PTPRD: variants seen among roughly 807,000 people sequenced by gnomAD.
PTPRD encodes the protein receptor-type tyrosine-protein phosphatase delta.
A neutral mutation model predicts 214.5 loss-of-function variants in PTPRD; 34 were observed. The ratio of observed to expected loss-of-function variants is 0.16; its 90% CI spans 0.12 to 0.21. PTPRD has a LOEUF of 0.21. Among genes scored for constraint, PTPRD ranks in the 10% least tolerant of loss-of-function variants. The probability of loss-of-function intolerance (pLI) is 1.00; values close to 1 mark genes in which losing one functional copy is unlikely to be tolerated. For synonymous variants in PTPRD, 1,128 were observed against 845.7 expected, an observed-to-expected ratio of 1.33 and a Z score of -5.79; for missense variants, 2,545 against 2,398.7, an observed-to-expected ratio of 1.06 and a Z score of -1.27.
chr9:10,432,373 A>G (rs1588080203), intron 2 of PTPRD, among the ~76,000 whole-genome samples: 1 of 151,578 alleles, frequency 6.6e-6, no homozygotes. Flanking sequence ...CCAGCATGGC[A>G]CATGTATACA....
At chr9:9,780,741 G>A (rs2098836697) in intron 5 of PTPRD, among the ~76,000 whole-genome samples, 1 of 152,172 alleles carries the variant, frequency 6.6e-6, no homozygotes, top group Non-Finnish European at 1.5e-5. Context: ...TTAATATTTA[G>A]AGCAGCCTTA....
intron 9 of PTPRD, among the ~76,000 whole-genome samples, chr9:9,379,104 C>T (rs890143225): frequency 1.3e-5 from 2 of 150,836 alleles, no homozygotes; most frequent in Non-Finnish European, 3.0e-5. Context: ...GAATTACTCC[C>T]GTTTTATTTT....
At chr9:9,264,724 C>G (rs61601362) in intron 9 of PTPRD, among the ~76,000 whole-genome samples, 15,233 of 151,350 alleles carry the variant, frequency 0.1, 797 homozygotes, top group Middle Eastern at 0.18. Context: ...TAAGATTTCA[C>G]CAAGACACAT....
At chr9:10,215,798 G>A (rs1436010930) in intron 3 of PTPRD, among the ~76,000 whole-genome samples, 1 of 151,976 alleles carries the variant, frequency 6.6e-6, no homozygotes, top group Middle Eastern at 3.4e-3. Context: ...TTAATACAAT[G>A]TATATCAACA....
intron 12 of PTPRD, among the ~76,000 whole-genome samples, chr9:8,660,802 A>G (rs2097027601): frequency 6.6e-6 from 1 of 152,138 alleles, no homozygotes. Context: ...CTTACTCTTT[A>G]CCTTTTTAAA....
At chr9:9,108,149 C>G (rs2099801260) in intron 10 of PTPRD, among the ~76,000 whole-genome samples, 1 of 152,102 alleles carries the variant, frequency 6.6e-6, no homozygotes, top group African/African-American at 2.4e-5. Flanking sequence ...TCATAGTTTT[C>G]TTAAGTTACA....
intron 8 of PTPRD, among the ~76,000 whole-genome samples, chr9:9,419,758 A>G (rs1027677550): frequency 3.3e-5 from 5 of 151,826 alleles, no homozygotes; most frequent in African/African-American, 1.2e-4. Context: ...CATTAACAGC[A>G]AGAAATTCAT....
intron 33 of PTPRD, among the ~76,000 whole-genome samples, chr9:8,454,327 C>T (rs1019533242): frequency 2.0e-5 from 3 of 152,224 alleles, no homozygotes; most frequent in Non-Finnish European, 2.9e-5. Flanking sequence ...ACAAACAAAA[C>T]TCAGATATTG....
At chr9:8,981,973 G>C (rs1259415605) in intron 11 of PTPRD, among the ~76,000 whole-genome samples, 1 of 151,948 alleles carries the variant, frequency 6.6e-6, no homozygotes, top group African/African-American at 2.4e-5. Context: ...AGAGCAAAAG[G>C]TAGATCACTT....
rs540102935 is a variant in PTPRD at position 10,004,191 on chromosome 9, A to T, written c.-472+29527T>A. ...TGGAGAAAATGTGCCTAAATACATT[A>T]AAAAAAATTTAGGTTGTATATATTG... is the stretch of plus-strand genomic sequence containing the variant. On this transcript the variant is annotated intron_variant, in intron 4 of 45. Transcript: ENST00000381196. 1.2e-4 allele frequency among the ~76,000 whole-genome samples: 18 copies of T among 151,880 alleles called. No individual in the cohort carries two copies. In the South Asian group the frequency reaches 2.1e-3, roughly 18 times the overall value.
intron 11 of PTPRD, among the ~76,000 whole-genome samples, chr9:8,978,459 G>A (rs972709795): frequency 2.6e-5 from 4 of 152,210 alleles, no homozygotes; most frequent in Admixed American, 6.6e-5. Context: ...GAAACTATGA[G>A]GAAGATTTAG....
intron 9 of PTPRD, among the ~76,000 whole-genome samples, chr9:9,359,556 T>C (rs2055199346): frequency 6.6e-6 from 1 of 151,228 alleles, no homozygotes; most frequent in African/African-American, 2.4e-5. Flanking sequence ...ATTCAATAAT[T>C]ATTACCCCTC....
intron 4 of PTPRD, among the ~76,000 whole-genome samples, chr9:9,972,465 G>C (rs1313861236): frequency 6.6e-6 from 1 of 152,142 alleles, no homozygotes; most frequent in Admixed American, 6.5e-5. Flanking sequence ...TTAGCAATCT[G>C]AATTTAATTT....
Position 9,830,457 on chromosome 9 carries a change from T to A in PTPRD, c.-367-63606A>T, listed in dbSNP as rs10816199. Reference sequence around the variant, plus strand: ...ACATAAAGTATGATCCTATTTTTGATAGATAATCATATGTACATTTACCTT... The same window carrying A: ...ACATAAAGTATGATCCTATTTTTGAAAGATAATCATATGTACATTTACCTT... On this transcript the variant is annotated intron_variant, in intron 5 of 45. Coordinates refer to ENST00000381196, the MANE Select transcript of PTPRD (RefSeq NM_002839.4). 1.2e-3 allele frequency among the ~76,000 whole-genome samples: 183 copies of A among 151,886 alleles called. 1 individual carries two copies. Among genetic ancestry groups the A allele is most frequent in the East Asian group, 5.3e-3 (27 of 5,132 alleles).
At chr9:10,530,820 A>G (rs1272473936) in intron 2 of PTPRD, among the ~76,000 whole-genome samples, 1 of 152,210 alleles carries the variant, frequency 6.6e-6, no homozygotes, top group African/African-American at 2.4e-5. Context: ...ATAAATAAAC[A>G]GGAGAATAGT....
intron 3 of PTPRD, among the ~76,000 whole-genome samples, chr9:10,137,973 C>T (rs1340575203): frequency 6.6e-6 from 1 of 151,794 alleles, no homozygotes; most frequent in Non-Finnish European, 1.5e-5. Flanking sequence ...AACATCACAC[C>T]TAGAGGAATT....
intron 14 of PTPRD, among the ~76,000 whole-genome samples, chr9:8,593,482 G>A (rs1484574275): frequency 1.3e-5 from 2 of 152,178 alleles, no homozygotes; most frequent in Non-Finnish European, 1.5e-5. Flanking sequence ...CAAATAAGGA[G>A]ATATAACTGG....
At chr9:8,604,486 G>A (rs2095080585) in intron 14 of PTPRD, among the ~76,000 whole-genome samples, 1 of 152,128 alleles carries the variant, frequency 6.6e-6, no homozygotes, top group South Asian at 2.1e-4. Flanking sequence ...CATTACATCA[G>A]ATAAGGGTAA....
At chr9:9,300,537 G>A (rs1225759409) in intron 9 of PTPRD, among the ~76,000 whole-genome samples, 1 of 151,740 alleles carries the variant, frequency 6.6e-6, no homozygotes, top group Non-Finnish European at 1.5e-5. Flanking sequence ...CTCCAAATGT[G>A]TTGGTAGTAG....
Sources: allele counts gnomAD v4.1 joint callset (sites outside exome capture counted in the v4.1 genomes callset), GRCh38; gene constraint gnomAD v4.1.1; transcripts MANE v1.5; gene names NCBI Gene and HGNC (gene_info 2026-07-23, HGNC 2026-07-21).